The following MAGI2 variants were observed in gnomAD, a reference collection of about 807,000 sequenced individuals.
The protein encoded by MAGI2 is membrane associated guanylate kinase, WW and PDZ domain containing 2.
In MAGI2, 35 loss-of-function variants were observed where a neutral mutation model predicts 133.3. The ratio of observed to expected loss-of-function variants is 0.26; its 90% confidence interval spans 0.20 to 0.35. The LOEUF (loss-of-function observed/expected upper bound fraction) is 0.35, where lower values mean the gene tolerates loss of function less well. Among genes scored for constraint, MAGI2 ranks in the 10% least tolerant of loss-of-function variants. The pLI is 1.00. For synonymous variants in MAGI2, 729 were observed against 710.6 expected (o/e 1.03, Z -0.41); for missense variants, 1,636 against 1,863.4 (o/e 0.88, Z 2.25).
At chr7:79,417,673 G>A (rs1393244706) in intron 1 of MAGI2, among the ~76,000 whole-genome samples, 1 of 151,710 alleles carries the variant, frequency 6.6e-6, no homozygotes, top group Non-Finnish European at 1.5e-5. Context: ...TAATTCCTGT[G>A]ATCCTGGAGT....
At chr7:78,065,534 C>A in intron 21 of MAGI2, 1 of 650,752 alleles carries the variant, frequency 1.5e-6, no homozygotes, top group Non-Finnish European at 2.7e-6. Context: ...AAAACCAAGG[C>A]TCATTAGAGA....
chr7:79,397,566 C>G (rs1845148698), intron 1 of MAGI2, among the ~76,000 whole-genome samples: 1 of 152,054 alleles, frequency 6.6e-6, no homozygotes, highest in Non-Finnish European at 1.5e-5. Context: ...TATATTCCCT[C>G]AAGCACTGCA....
intron 6 of MAGI2, among the ~76,000 whole-genome samples, chr7:78,454,985 G>C (rs1789153867): frequency 6.6e-6 from 1 of 152,110 alleles, no homozygotes; most frequent in South Asian, 2.1e-4. Flanking sequence ...CTTTAATATT[G>C]GAAACACAGC....
At chr7:79,212,795 G>GAACAA (rs922622439) in intron 1 of MAGI2, among the ~76,000 whole-genome samples, 11 of 152,018 alleles carry the variant, frequency 7.2e-5, no homozygotes, top group African/African-American at 9.7e-5. Context: ...CTGGAGAACA[G>GAACAA]AACAAAACAA....
chr7:78,921,889 T>A (rs1799257969), intron 2 of MAGI2, among the ~76,000 whole-genome samples: 1 of 152,168 alleles, frequency 6.6e-6, no homozygotes, highest in African/African-American at 2.4e-5. Flanking sequence ...TGCCTTGGCC[T>A]CACCAAATTG....
At chr7:78,891,385 A>T (rs910915292) in intron 2 of MAGI2, among the ~76,000 whole-genome samples, 2 of 152,234 alleles carry the variant, frequency 1.3e-5, no homozygotes, top group African/African-American at 4.8e-5. Context: ...TTTTGAGGCC[A>T]GCATCATCCT....
At chr7:78,824,604 G>A (rs1004493992) in intron 2 of MAGI2, among the ~76,000 whole-genome samples, 5 of 142,338 alleles carry the variant, frequency 3.5e-5, no homozygotes, top group African/African-American at 7.5e-5. Context: ...TATCCTTCAC[G>A]CACTTTTTGA....
intron 16 of MAGI2, among the ~76,000 whole-genome samples, chr7:78,145,456 T>A (rs1375390623): frequency 6.6e-6 from 1 of 152,158 alleles, no homozygotes; most frequent in Non-Finnish European, 1.5e-5. Flanking sequence ...ATAATTTCCA[T>A]TCTGTTTTTC....
chr7:78,495,718 T>C (rs1405056471), intron 5 of MAGI2, among the ~76,000 whole-genome samples: 1 of 152,202 alleles, frequency 6.6e-6, no homozygotes, highest in East Asian at 1.9e-4. Context: ...AGCATATGAA[T>C]ATTTGCATTT....
intron 6 of MAGI2, among the ~76,000 whole-genome samples, chr7:78,436,213 A>G (rs907599634): frequency 3.9e-5 from 6 of 152,194 alleles, no homozygotes; most frequent in African/African-American, 1.4e-4. Context: ...GCCCTGCTTT[A>G]GAAATGAGCC....
At chr7:79,399,690 C>T (rs1845334116) in intron 1 of MAGI2, among the ~76,000 whole-genome samples, 1 of 152,094 alleles carries the variant, frequency 6.6e-6, no homozygotes, top group African/African-American at 2.4e-5. Flanking sequence ...ATTTAAAGGA[C>T]CCTAATTCTT....
intron 1 of MAGI2, chr7:79,409,923 T>C (rs1042128050): frequency 4.6e-5 from 7 of 152,194 alleles, no homozygotes; most frequent in African/African-American, 1.7e-4. Context: ...TTTAGCTGTT[T>C]GACATATGTT....
chr7:78,586,938 T>C (rs1183029487), intron 3 of MAGI2, among the ~76,000 whole-genome samples: 1 of 152,242 alleles, frequency 6.6e-6, no homozygotes, highest in East Asian at 1.9e-4. Flanking sequence ...CAATATTCCA[T>C]TGTATGTATA....
intron 9 of MAGI2, among the ~76,000 whole-genome samples, chr7:78,292,592 T>C (rs1426088149): frequency 6.6e-6 from 1 of 152,128 alleles, no homozygotes; most frequent in Non-Finnish European, 1.5e-5. Flanking sequence ...ATTTTAAAGT[T>C]CAGATGGAAC....
At chr7:78,491,827 G>T (rs1236510948) in intron 5 of MAGI2, among the ~76,000 whole-genome samples, 3 of 150,482 alleles carry the variant, frequency 2.0e-5, no homozygotes, top group African/African-American at 4.9e-5. Context: ...TTTTAAAAAA[G>T]AAATCACTTA....
intron 21 of MAGI2, among the ~76,000 whole-genome samples, chr7:78,044,561 CTG>C (rs1248342183): frequency 4.6e-5 from 7 of 152,096 alleles, no homozygotes; most frequent in African/African-American, 1.7e-4. Flanking sequence ...CGACAGTACA[CTG>C]TGAAATCCTT....
intron 1 of MAGI2, among the ~76,000 whole-genome samples, chr7:79,105,368 T>C (rs1860695): frequency 0.78 from 117,943 of 152,032 alleles, 46,630 homozygotes; most frequent in Non-Finnish European, 0.86. Context: ...ATTAAACAGA[T>C]AGAAAAGGTC....
intron 1 of MAGI2, among the ~76,000 whole-genome samples, chr7:79,124,017 A>G (rs1820166724): frequency 6.6e-6 from 1 of 151,968 alleles, no homozygotes; most frequent in Admixed American, 6.6e-5. Context: ...AAAATGGAGA[A>G]GCAGTAGATA....
intron 1 of MAGI2, among the ~76,000 whole-genome samples, chr7:79,315,929 G>T (rs982861870): frequency 1.3e-5 from 2 of 152,150 alleles, no homozygotes; most frequent in African/African-American, 2.4e-5. Flanking sequence ...GACCATTCCA[G>T]TGTAGGAGGC....
Sources: gnomAD v4.1 joint callset for allele counts (sites outside exome capture counted in the v4.1 genomes callset) on GRCh38, gnomAD v4.1.1 for gene constraint, MANE v1.5 for transcripts, NCBI Gene and HGNC (gene_info 2026-07-23, HGNC 2026-07-21) for gene names.